Variants in LRFN3 observed in about 807,000 individuals in gnomAD.
The protein encoded by LRFN3 is leucine rich repeat and fibronectin type III domain containing 3.
Under a neutral mutation model 23.8 loss-of-function variants are expected in LRFN3, and 8 were observed. That is an observed-to-expected ratio of 0.34 (90% CI 0.20 to 0.61). The LOEUF is 0.61. Among genes scored for constraint, LRFN3 ranks in the 20% least tolerant of loss-of-function variants. The probability of loss-of-function intolerance (pLI) is 0.80; values close to 1 mark genes in which losing one functional copy is unlikely to be tolerated. For synonymous variants in LRFN3, 451 were observed against 450.6 expected (o/e 1.00, Z -0.01); for missense variants, 736 against 935.3 (o/e 0.79, Z 2.78).
rs1411955926 is a variant in LRFN3 at position 35,940,415 on chromosome 19, G to A, written c.990G>A (p.Val330=). ...ACCCAGAGCCCCGTGTGCGTTGGGT[G>A]TCACCCCAGGGCCGGCTGCTAGGCA... ...VGDPEPRVRW[V]SPQGRLLGNS... is the part of the protein sequence containing the mutation. The change falls in exon 2 of 3, where the codon GTG becomes GTA. Residue 330 remains valine, a synonymous_variant. Transcript: ENST00000246529. 6.3e-7 allele frequency: 1 copy of A among 1,588,968 alleles called. No homozygotes were observed. Among genetic ancestry groups the A allele is most frequent in the Non-Finnish European group, 8.5e-7 (1 of 1,172,366 alleles).
rs1976158799 is a variant in LRFN3 at position 35,944,800 on chromosome 19, C to T, written c.1668C>T (p.Phe556=). The change falls in exon 3 of 3, where the codon TTC becomes TTT. Residue 556 remains phenylalanine, a synonymous_variant. Transcript: ENST00000246529. This position sits in a 1 kb window ranked among gnomAD's most constrained non-coding sequence, Gnocchi z 4.5. ...TAGCCTCGGTACTGGTCTTCATCTT[C>T]GTGCTGCTAATGCGCTACAAGGTGC... ...VIVASVLVFI[F]VLLMRYKVHG... is the part of the protein sequence containing the mutation. The T allele has an allele frequency of 6.2e-7, 1 of 1,611,076 alleles. No homozygotes were observed. The highest frequency in any genetic ancestry group is 1.1e-5 in the South Asian group (1 of 90,916).
In LRFN3 at chr19:35,944,584, G is replaced by C. The variant is rs755346031; in HGVS notation, c.1452G>C (p.Thr484=). The change falls in exon 3 of 3, where the codon ACG becomes ACC. Residue 484 remains threonine (T), a synonymous_variant. Coordinates refer to ENST00000246529, the MANE Select transcript of LRFN3 (RefSeq NM_024509.2). This position sits in a 1 kb window ranked among gnomAD's most constrained non-coding sequence, Gnocchi z 4.5. The stretch of plus-strand genomic sequence containing the variant: ...CGGAGAGCCGCTCGTTCCTGCTGAC[G>C]GACCTGGCGTCAGGCCGGACCTACG... ...IPAESRSFLL[T]DLASGRTYDL... 6 of 1,481,538 alleles carry C rather than the reference G, an allele frequency of 4.0e-6. No individual in the cohort carries two copies. Among genetic ancestry groups the C allele is most frequent in the Non-Finnish European group, 2.7e-6 (3 of 1,121,414 alleles). The allele number at this position is 1,481,538 out of a possible 1,614,324, so 91.8% of individuals were successfully genotyped here.
Position 35,944,499 on chromosome 19 carries a change from T to C in LRFN3, c.1416-49T>C, listed in dbSNP as rs1976153528. The C allele has an allele frequency of 7.6e-6, 10 of 1,315,854 alleles. No homozygotes were observed. The highest frequency in any genetic ancestry group is 9.9e-6 in the Non-Finnish European group (10 of 1,011,202). The allele number at this position is 1,315,854 out of a possible 1,614,324, so 81.5% of individuals were successfully genotyped here. A position where few individuals can be genotyped will look rare whatever the true frequency, so the allele number is the denominator to read the frequency against. ...GGGAGTTTGGTGGGGGAAGCACAGG[T>C]TGGGGGCTGGGCAGCCTGAGACCTG... On this transcript the variant is annotated intron_variant, in intron 2 of 2. Coordinates refer to ENST00000246529, the MANE Select transcript of LRFN3 (RefSeq NM_024509.2). This position sits in a 1 kb window ranked among gnomAD's most constrained non-coding sequence, Gnocchi z 4.5.
chr19:35,940,585 C>T lies in LRFN3; in HGVS notation c.1160C>T (p.Pro387Leu). ...AAVELTVGPP[P>L]PPQLANSTSC... ...GTGGAGCTGACTGTGGGTCCCCCACCACCTCCTCAGCTAGCCAACAGCACC... is the reference window on the plus strand; with the variant it reads ...GTGGAGCTGACTGTGGGTCCCCCACTACCTCCTCAGCTAGCCAACAGCACC... Residue 387 changes from proline to leucine, a missense_variant, in exon 2 of 3, where the codon CCA becomes CTA. By Grantham distance (98) the Pro-to-Leu change is moderately conservative. Around this residue, in one of 2 missense-constraint regions of LRFN3, gnomAD observed 446 missense variants for 647.9 expected, o/e 0.69. Transcript: ENST00000246529. The T allele has an allele frequency of 6.2e-7, 1 of 1,611,988 alleles. No individual in the cohort carries two copies.
Position 35,945,062 on chromosome 19 carries a change from G to T in LRFN3, c.*43G>T. 8.4e-7 allele frequency: 1 copy of T among 1,190,072 alleles called. No homozygotes were observed. Among genetic ancestry groups the T allele is most frequent in the South Asian group, 1.9e-5 (1 of 53,504 alleles). The allele number at this position is 1,190,072 out of a possible 1,614,324, so 73.7% of individuals were successfully genotyped here. A position where few individuals can be genotyped will look rare whatever the true frequency, so the allele number is the denominator to read the frequency against. On this transcript the variant is annotated 3_prime_UTR_variant, in exon 3 of 3. Coordinates refer to ENST00000246529, the MANE Select transcript of LRFN3 (RefSeq NM_024509.2). ...TAAGGGTCCTCTGGCCCCACGGACA[G>T]CAGGACCCGGACACCCTGTGGGACC...
chr19:35,945,026 G>GC lies in LRFN3; in HGVS notation c.*15dup, dbSNP rs79027052. 1.7e-4 allele frequency: 234 copies of GC among 1,355,544 alleles called. No individual in the cohort carries two copies. The highest frequency in any genetic ancestry group is 8.1e-4 in the Middle Eastern group (3 of 3,686). The allele number at this position is 1,355,544 out of a possible 1,614,324, so 84.0% of individuals were successfully genotyped here. ...CGAACCTGTGGGACCCTAGCCAGGC[G>GC]CCCCCCCCTCTAAGGGTCCTCTGGC... On this transcript the variant is annotated 3_prime_UTR_variant, in exon 3 of 3. Transcript: ENST00000246529.
At position 35,940,349 on chromosome 19, in the gene LRFN3, C is replaced by A; in HGVS notation, c.924C>A (p.Pro308=). ...VTHRSPPLAV[P]AGRPAALRCR... The stretch of plus-strand genomic sequence containing the variant: ...ACCGCTCACCACCTCTGGCTGTGCC[C>A]GCAGGTCGGCCGGCTGCCCTGCGCT... Residue 308 remains proline, a synonymous_variant, in exon 2 of 3, where the codon CCC becomes CCA. Coordinates refer to ENST00000246529, the MANE Select transcript of LRFN3 (RefSeq NM_024509.2). 6.4e-7 allele frequency: 1 copy of A among 1,572,952 alleles called. No homozygotes were observed. Among genetic ancestry groups the A allele is most frequent in the Non-Finnish European group, 8.6e-7 (1 of 1,164,716 alleles).
rs1407138496 is a variant in LRFN3 at position 35,944,935 on chromosome 19, G to A, written c.1803G>A (p.Pro601=). Residue 601 remains proline (P), a synonymous_variant, in exon 3 of 3, where the codon CCG becomes CCA. Transcript: ENST00000246529. This position sits in a 1 kb window ranked among gnomAD's most constrained non-coding sequence, Gnocchi z 4.5. ...GPTPTPAPPA[P]EPAALRAHTV... The stretch of plus-strand genomic sequence containing the variant: ...CGCCCACGCCCGCCCCGCCCGCCCC[G>A]GAGCCCGCGGCGCTCAGGGCCCACA... 1.3e-6 allele frequency: 2 copies of A among 1,512,390 alleles called. No homozygotes were observed. The highest frequency in any genetic ancestry group is 2.3e-4 in the Middle Eastern group (1 of 4,360). 93.7% of individuals were successfully genotyped at this position (1,512,390 alleles called of 1,614,324 possible).
chr19:35,941,141 A>G (rs776305362), intron 2 of LRFN3, among the ~76,000 whole-genome samples: 22 of 152,238 alleles, frequency 1.4e-4, no homozygotes, highest in Non-Finnish European at 2.6e-4. Flanking sequence ...TCAAGCAATA[A>G]GGATAAACGA....
rs1355912742 is a variant in LRFN3, at chr19:35,944,419, G to A, written c.1416-129G>A. The A allele has an allele frequency of 2.8e-5, 16 of 565,168 alleles. No homozygotes were observed. In the South Asian group the frequency reaches 5.3e-4, roughly 19 times the overall value. The allele number at this position is 565,168 out of a possible 1,614,324, so 35.0% of individuals were successfully genotyped here. ...GGAATTGGGATGTTGGTGAGAGGGA[G>A]CTCATTGGGTAGAATGAAATGAAGG... On this transcript the variant is annotated intron_variant, in intron 2 of 2. Transcript: ENST00000246529. This position sits in a 1 kb window ranked among gnomAD's most constrained non-coding sequence, Gnocchi z 4.5.
At position 35,944,642 on chromosome 19, in the gene LRFN3, G is replaced by A; in HGVS notation, c.1510G>A (p.Ala504Thr). The A allele has an allele frequency of 1.9e-6, 3 of 1,588,864 alleles. No homozygotes were observed. Among genetic ancestry groups the A allele is most frequent in the East Asian group, 2.3e-5 (1 of 44,236 alleles). ...CGTGCTCGCCGTGTATGAGGACAGC[G>A]CCACGGGGCTCACGGCCACGCGGCC... ...LCVLAVYEDSATGLTATRPVG... is the reference protein window; with the variant it reads ...LCVLAVYEDSTTGLTATRPVG... The change falls in exon 3 of 3, where the codon GCC becomes ACC. Residue 504 changes from alanine (A) to threonine (T), a missense_variant. Ala to Thr is a moderately conservative substitution (Grantham distance 58). Transcript: ENST00000246529. This position sits in a 1 kb window ranked among gnomAD's most constrained non-coding sequence, Gnocchi z 4.5.
Position 35,940,486 on chromosome 19 carries a change from T to G in LRFN3, c.1061T>G (p.Leu354Arg), listed in dbSNP as rs758592333. 2 of 1,610,948 alleles carry G rather than the reference T, an allele frequency of 1.2e-6. No homozygotes were observed. Among genetic ancestry groups the G allele is most frequent in the East Asian group, 4.5e-5 (2 of 44,848 alleles). The change falls in exon 2 of 3, where the codon CTG (leucine) becomes CGG (arginine). Residue 354 changes from leucine to arginine, a missense_variant. Around this residue, in one of 2 missense-constraint regions of LRFN3, gnomAD observed 446 missense variants for 647.9 expected, o/e 0.69. Transcript: ENST00000246529. ...TTCCCCAATGGGACGCTGGAGCTGCTGGTCACCGAGCCGGGTGATGGTGGC... is the reference window on the plus strand; with the variant it reads ...TTCCCCAATGGGACGCTGGAGCTGCGGGTCACCGAGCCGGGTGATGGTGGC... ...RAFPNGTLEL[L>R]VTEPGDGGIF...
In LRFN3 at chr19:35,944,560, G is replaced by T. The variant is rs368024336; in HGVS notation, c.1428G>T (p.Ala476=). Residue 476 remains alanine, a synonymous_variant, in exon 3 of 3, where the codon GCG becomes GCT. Transcript: ENST00000246529. The surrounding 1 kb of genome is among the most constrained non-coding windows in gnomAD (Gnocchi z 4.5). ...GCCTGCCCTGCAGGATGATCCCGGC[G>T]GAGAGCCGCTCGTTCCTGCTGACGG... ...DDILVYRMIP[A]ESRSFLLTDL... is the part of the protein sequence containing the mutation. 201 of 1,463,002 alleles carry T rather than the reference G, an allele frequency of 1.4e-4. No homozygotes were observed. Among genetic ancestry groups the T allele is most frequent in the Non-Finnish European group, 1.7e-4 (188 of 1,112,780 alleles). The allele number at this position is 1,463,002 out of a possible 1,614,324, so 90.6% of individuals were successfully genotyped here.
chr19:35,940,912 T>G lies in LRFN3; in HGVS notation c.1415+72T>G, dbSNP rs1455555679. 2.8e-6 allele frequency: 4 copies of G among 1,446,600 alleles called. No individual in the cohort carries two copies. The African/African-American group carries it at 5.7e-5, about 21-fold the overall frequency. 89.6% of individuals were successfully genotyped at this position (1,446,600 alleles called of 1,614,324 possible). On this transcript the variant is annotated intron_variant, in intron 2 of 2. Transcript: ENST00000246529. ...AGGGGAGGGTTGAGGGTACACCTAC[T>G]AATACCCTACACCGAAGCACAACTG...
chr19:35,941,085 G>A (rs1010032604), intron 2 of LRFN3, among the ~76,000 whole-genome samples: 1 of 152,208 alleles, frequency 6.6e-6, no homozygotes, highest in African/African-American at 2.4e-5. Context: ...CGAAGTAAAT[G>A]AGACAGCAAA....
chr19:35,938,020 C>T (rs115500150), intron 1 of LRFN3, among the ~76,000 whole-genome samples: 211 of 152,258 alleles, frequency 1.4e-3, no homozygotes, highest in African/African-American at 4.9e-3. Context: ...GTCCACTGTG[C>T]CTCTCTCTAA....
rs1473056692 is a variant in LRFN3 at position 35,940,964 on chromosome 19, G to T, written c.1415+124G>T. ...TAAGTGATGCTGGAAGGTTCCAAAA[G>T]AAATCAGAGAGCAAAAGTAAAAGAA... On this transcript the variant is annotated intron_variant, in intron 2 of 2. Coordinates refer to ENST00000246529, the MANE Select transcript of LRFN3 (RefSeq NM_024509.2). 5 of 1,313,852 alleles carry T rather than the reference G, an allele frequency of 3.8e-6. No individual in the cohort carries two copies. The Admixed American group carries it at 1.6e-4, about 43-fold the overall frequency. 81.4% of individuals were successfully genotyped at this position (1,313,852 alleles called of 1,614,324 possible). A position where few individuals can be genotyped will look rare whatever the true frequency, so the allele number is the denominator to read the frequency against.
rs148437277 is a variant in LRFN3, at chr19:35,939,592, C to T, written c.167C>T (p.Ser56Leu). Residue 56 changes from serine to leucine, a missense_variant, in exon 2 of 3, where the codon TCG becomes TTG. Ser to Leu is a moderately radical substitution (Grantham distance 145, BLOSUM62 -2). Around this residue, in one of 2 missense-constraint regions of LRFN3, gnomAD observed 446 missense variants for 647.9 expected, o/e 0.69. Transcript: ENST00000246529. This position sits in a 1 kb window ranked among gnomAD's most constrained non-coding sequence, Gnocchi z 6.4. ...PGAGLLFVPP[S>L]LDRRAAELRL... ...GCAGGCCTCCTGTTCGTGCCACCCT[C>T]GCTGGACCGCCGGGCAGCCGAGCTG... 11 of 1,608,796 alleles carry T rather than the reference C, an allele frequency of 6.8e-6. No individual in the cohort carries two copies. The highest frequency in any genetic ancestry group is 2.7e-5 in the African/African-American group (2 of 74,922).
chr19:35,936,478 C>T lies in LRFN3; in HGVS notation c.-1094C>T, dbSNP rs1407178390. On this transcript the variant is annotated 5_prime_UTR_variant, in exon 1 of 3. Transcript: ENST00000246529. ...CCCCGCCCGGCCCCCGCCTCGGCCC[C>T]GGCGGGGGAGGGGTCTCTGAGCGCG... 6.7e-6 allele frequency: 1 copy of T among 150,252 alleles called. No homozygotes were observed. Among genetic ancestry groups the T allele is most frequent in the East Asian group, 1.9e-4 (1 of 5,130 alleles). The allele number at this position is 150,252 out of a possible 1,614,324, so 9.3% of individuals were successfully genotyped here. A position where few individuals can be genotyped will look rare whatever the true frequency, so the allele number is the denominator to read the frequency against.
Sources: allele counts gnomAD v4.1 joint callset (sites outside exome capture counted in the v4.1 genomes callset), GRCh38; gene constraint gnomAD v4.1.1; regional missense constraint gnomAD v4.1.1; non-coding constraint Gnocchi (gnomAD v3.1); transcripts MANE v1.5; gene names NCBI Gene and HGNC (gene_info 2026-07-23, HGNC 2026-07-21).